SHC1: variants seen among roughly 807,000 people sequenced by gnomAD.
SHC1 encodes the protein SHC adaptor protein 1, also known as SHC-transforming protein 1.
Under a neutral mutation model 55.9 loss-of-function variants are expected in SHC1, and 30 were observed. The ratio of observed to expected loss-of-function variants is 0.54; its 90% CI spans 0.40 to 0.73. SHC1 has a LOEUF of 0.73. Among genes scored for constraint, SHC1 ranks in the 30% least tolerant of loss-of-function variants. The probability of loss-of-function intolerance (pLI) is 0.00; values close to 1 mark genes in which losing one functional copy is unlikely to be tolerated. For missense variants in SHC1, 675 were observed against 777.1 expected, an observed-to-expected ratio of 0.87 and a Z score of 1.56; for synonymous variants, 309 against 306.1, an observed-to-expected ratio of 1.01 and a Z score of -0.10.
At chr1:154,964,041 A>T in intron 11 of SHC1, 110 bp from the exon 12 acceptor site, 5 of 1,160,704 alleles carry the variant, frequency 4.3e-6, no homozygotes, top group Non-Finnish European at 6.5e-6. Context: ...GAGGAGAAAA[A>T]AATGGTGGGG....
chr1:154,966,620 T>A, intron 7 of SHC1, 103 bp from the exon 8 acceptor site: 1 of 783,696 alleles, frequency 1.3e-6, no homozygotes, highest in East Asian at 2.7e-5. Context: ...TTACTATGGA[T>A]TAAGCCTGAG....
rs757718030 is a variant in SHC1, at chr1:154,970,198, T to C, written c.329A>G (p.Asp110Gly). The part of the protein sequence containing the change: ...PDSGPLPLLQ[D>G]MNKLSGGGGR... ...GCCGCCTCCACTCAGCTTGTTCATG[T>C]CCTGGAGGAGGGGTAGGGGGCCTGA... The change falls in exon 1 of 12, where the codon GAC becomes GGC. Residue 110 changes from aspartate (D) to glycine (G), a missense_variant. Physicochemically the swap from Asp to Gly is moderately conservative, Grantham distance 94. Coordinates refer to ENST00000448116, the MANE Select transcript of SHC1 (RefSeq NM_001130040.2). This position sits in a 1 kb window ranked among gnomAD's most constrained non-coding sequence, Gnocchi z 5.5. 1 of 1,613,800 alleles carries C rather than the reference T, an allele frequency of 6.2e-7. No homozygotes were observed. The highest frequency in any genetic ancestry group is 8.5e-7 in the Non-Finnish European group (1 of 1,179,938).
rs1396924723 is a variant in SHC1, at chr1:154,970,434, C to T, written c.93G>A (p.Pro31=). The change falls in exon 1 of 12, where the codon CCG becomes CCA. Residue 31 remains proline, a synonymous_variant. Coordinates refer to ENST00000448116, the MANE Select transcript of SHC1 (RefSeq NM_001130040.2). The surrounding 1 kb of genome is among the most constrained non-coding windows in gnomAD (Gnocchi z 5.5). ...LEEGASGSTP[P]EELPSPSASS... ...AAGCTGATGGGGAAGGCAGCTCCTC[C>T]GGGGGGGTGGACCCAGAAGCCCCTT... The T allele has an allele frequency of 1.9e-6, 3 of 1,609,510 alleles. No individual in the cohort carries two copies. Among genetic ancestry groups the T allele is most frequent in the Admixed American group, 1.7e-5 (1 of 59,422 alleles).
chr1:154,965,600 G>T lies in SHC1; in HGVS notation c.1569C>A (p.Leu523=). ...TAGGCTGCCCACTCTGCAAGCCAGT[G>T]AGCACATACTGGCCAGGTGTGGTCG... ...ESTTTPGQYV[L]TGLQSGQPKH... Residue 523 remains leucine, a synonymous_variant, in exon 11 of 12, where the codon CTC becomes CTA. Coordinates refer to ENST00000448116, the MANE Select transcript of SHC1 (RefSeq NM_001130040.2). 6.2e-7 allele frequency: 1 copy of T among 1,614,134 alleles called. No homozygotes were observed. Among genetic ancestry groups the T allele is most frequent in the Non-Finnish European group, 8.5e-7 (1 of 1,180,042 alleles).
chr1:154,968,852 C>T lies in SHC1; in HGVS notation c.567-18G>A. 1 of 1,612,614 alleles carries T rather than the reference C, an allele frequency of 6.2e-7. No homozygotes were observed. Among genetic ancestry groups the T allele is most frequent in the Non-Finnish European group, 8.5e-7 (1 of 1,178,648 alleles). On this transcript the variant is annotated intron_variant, in intron 2 of 11. Coordinates refer to ENST00000448116, the MANE Select transcript of SHC1 (RefSeq NM_001130040.2). ...TGGCCTCCCTGGGGAAAGAGGGGTACTCAGACCCAGCGCCTGCCTGCCTGC... is the reference window on the plus strand; with the variant it reads ...TGGCCTCCCTGGGGAAAGAGGGGTATTCAGACCCAGCGCCTGCCTGCCTGC...
chr1:154,968,414 T>C (rs773449213), intron 4 of SHC1, 81 bp downstream of exon 4: 35 of 1,593,096 alleles, frequency 2.2e-5, no homozygotes, highest in Non-Finnish European at 3.0e-5. Context: ...CAAGCCCTCT[T>C]CCTAGATTTT....
At position 154,970,280 on chromosome 1, in the gene SHC1, C is replaced by A; in HGVS notation, c.247G>T (p.Glu83Ter). The A allele has an allele frequency of 5.0e-6, 8 of 1,603,700 alleles. No homozygotes were observed. Among genetic ancestry groups the A allele is most frequent in the Non-Finnish European group, 6.8e-6 (8 of 1,173,522 alleles). ...CCATCATCAGCTGCCCTTCCTGGCT[C>A]CCCCTTAGACCCTGGGCGCCCCCCA... The part of the protein sequence containing the change: ...PAGGRPGSKG[E>*]PGRAADDGEG... Residue 83 changes from glutamate (E) to a stop codon, truncating the protein, a stop_gained, in exon 1 of 12, where the codon GAG becomes TAG. Coordinates refer to ENST00000448116, the MANE Select transcript of SHC1 (RefSeq NM_001130040.2). LOFTEE classifies it high-confidence loss of function. This position sits in a 1 kb window ranked among gnomAD's most constrained non-coding sequence, Gnocchi z 5.5.
In SHC1 at chr1:154,969,377, C is replaced by A; in HGVS notation, c.566+1G>T. 1 of 1,606,786 alleles carries A rather than the reference C, an allele frequency of 6.2e-7. No individual in the cohort carries two copies. The highest frequency in any genetic ancestry group is 8.5e-7 in the Non-Finnish European group (1 of 1,174,890). On this transcript the variant is annotated splice_donor_variant, in intron 2 of 11. Coordinates refer to ENST00000448116, the MANE Select transcript of SHC1 (RefSeq NM_001130040.2). LOFTEE classifies it high-confidence loss of function. ...CCACAATCCACTCCCTCCCCACTAA[C>A]CTGGTGACCTGAGTCCGGGTGTTGA... is the stretch of plus-strand genomic sequence containing the variant.
At chr1:154,966,583 A>C in intron 7 of SHC1, 66 bp from the exon 8 acceptor site, 1 of 1,092,180 alleles carries the variant, frequency 9.2e-7, no homozygotes, top group South Asian at 1.6e-5. Flanking sequence ...GAAGGACAGA[A>C]TAGAACAGCA....
intron 1 of SHC1, among the ~76,000 whole-genome samples, chr1:154,969,691 T>C (rs897539513): frequency 4.6e-5 from 7 of 151,980 alleles, no homozygotes; most frequent in Non-Finnish European, 7.4e-5. Context: ...CCGACAGGCA[T>C]TGGCTGGGAT....
Position 154,970,705 on chromosome 1 carries a change from C to G in SHC1, c.-179G>C. 1.9e-6 allele frequency: 1 copy of G among 531,466 alleles called. No individual in the cohort carries two copies. Among genetic ancestry groups the G allele is most frequent in the Non-Finnish European group, 3.3e-6 (1 of 302,784 alleles). The allele number at this position is 531,466 out of a possible 1,614,324, so 32.9% of individuals were successfully genotyped here. A position where few individuals can be genotyped will look rare whatever the true frequency, so the allele number is the denominator to read the frequency against. On this transcript the variant is annotated 5_prime_UTR_variant, in exon 1 of 12. Coordinates refer to ENST00000448116, the MANE Select transcript of SHC1 (RefSeq NM_001130040.2). The surrounding 1 kb of genome is among the most constrained non-coding windows in gnomAD (Gnocchi z 5.5). ...TTCCGCTCCCCAGCTCAGACCCAGA[C>G]AGTTTCAGGCCCCATCCCCGCCCAA...
chr1:154,970,190 T>A lies in SHC1; in HGVS notation c.337A>T (p.Lys113Ter), dbSNP rs755658836. The A allele has an allele frequency of 6.2e-7, 1 of 1,613,762 alleles. No individual in the cohort carries two copies. The highest frequency in any genetic ancestry group is 8.5e-7 in the Non-Finnish European group (1 of 1,179,962). Reference sequence around the variant, plus strand: ...CTGCGCCCGCCGCCTCCACTCAGCTTGTTCATGTCCTGGAGGAGGGGTAGG... The same window carrying A: ...CTGCGCCCGCCGCCTCCACTCAGCTAGTTCATGTCCTGGAGGAGGGGTAGG... ...GPLPLLQDMN[K>*]LSGGGGRRTR... The change falls in exon 1 of 12, where the codon AAG (lysine) becomes TAG (stop). Residue 113 changes from lysine to a stop codon, truncating the protein, a stop_gained. Coordinates refer to ENST00000448116, the MANE Select transcript of SHC1 (RefSeq NM_001130040.2). LOFTEE classifies it high-confidence loss of function. This position sits in a 1 kb window ranked among gnomAD's most constrained non-coding sequence, Gnocchi z 5.5.
At chr1:154,973,161 G>GGGCTC (rs1470792570), upstream of SHC1, 1 of 152,186 alleles carries the variant, frequency 6.6e-6, no homozygotes, top group Non-Finnish European at 1.5e-5. Flanking sequence ...TCCCTCTCGT[G>GGGCTC]CCAAACCCCA....
chr1:154,968,081 C>G, intron 5 of SHC1, 50 bp from the exon 6 acceptor site: 1 of 1,606,108 alleles, frequency 6.2e-7, no homozygotes, highest in Non-Finnish European at 8.5e-7. Flanking sequence ...CTCCTGACCC[C>G]TAAAACCCAG....
chr1:154,972,946 A>G (rs925372161), upstream of SHC1, among the ~76,000 whole-genome samples: 16 of 152,000 alleles, frequency 1.1e-4, no homozygotes, highest in Non-Finnish European at 2.9e-5. Flanking sequence ...CAAAAAGAGC[A>G]CTATTATCTA....
upstream of SHC1, among the ~76,000 whole-genome samples, chr1:154,971,962 T>C (rs1656790269): frequency 6.7e-6 from 1 of 150,168 alleles, no homozygotes; most frequent in African/African-American, 2.4e-5. Flanking sequence ...AAGATACGTA[T>C]TCCTACCGGG....
At position 154,965,774 on chromosome 1, in the gene SHC1, G is replaced by A. The variant is rs757371348; in HGVS notation, c.1395C>T (p.Phe465=). 82 of 1,612,306 alleles carry A rather than the reference G, an allele frequency of 5.1e-5. No individual in the cohort carries two copies. The highest frequency in any genetic ancestry group is 6.4e-5 in the Non-Finnish European group (75 of 1,178,736). Reference sequence around the variant, plus strand: ...GTGGAGGCACGCGAAGAGCATCTTCGAAGGGCTCTGGAAGTATAGAGGGAG... The same window carrying A: ...GTGGAGGCACGCGAAGAGCATCTTCAAAGGGCTCTGGAAGTATAGAGGGAG... The part of the protein sequence containing the change: ...APRDLFDMKP[F]EDALRVPPPP... Residue 465 remains phenylalanine, a synonymous_variant, in exon 11 of 12, where the codon TTC becomes TTT. Coordinates refer to ENST00000448116, the MANE Select transcript of SHC1 (RefSeq NM_001130040.2).
upstream of SHC1, among the ~76,000 whole-genome samples, chr1:154,971,065 AAGCC>A (rs1656704889): frequency 6.6e-6 from 1 of 152,126 alleles, no homozygotes; most frequent in African/African-American, 2.4e-5. Context: ...AGGGGGCAGG[AAGCC>A]AGGCAGGAGT....
chr1:154,968,446 C>T (rs376500230), intron 4 of SHC1, 49 bp downstream of exon 4: 125 of 1,612,470 alleles, frequency 7.8e-5, no homozygotes, highest in Non-Finnish European at 9.8e-5. Context: ...TAGATCTCCC[C>T]TTAGCACCCC....
Sources: gnomAD v4.1 joint callset for allele counts (sites outside exome capture counted in the v4.1 genomes callset) on GRCh38, gnomAD v4.1.1 for gene constraint, Gnocchi (gnomAD v3.1) non-coding constraint, MANE v1.5 for transcripts, NCBI Gene and HGNC (gene_info 2026-07-23, HGNC 2026-07-21) for gene names.